TNR: variants seen among roughly 807,000 people sequenced by gnomAD.
TNR encodes the protein tenascin-R.
TNR carries 45 observed loss-of-function variants against 150.4 expected under a neutral mutation model. The ratio of observed to expected loss-of-function variants is 0.30; its 90% CI spans 0.24 to 0.38. The LOEUF (loss-of-function observed/expected upper bound fraction) is 0.38, where lower values mean the gene tolerates loss of function less well. Ranked by LOEUF, TNR falls within the 10% of genes least tolerant of loss-of-function variation. TNR has a pLI of 1.00. For synonymous variants in TNR, 687 were observed against 678.4 expected (o/e 1.01, Z -0.20); for missense variants, 1,544 against 1,759.1 (o/e 0.88, Z 2.19).
chr1:175,478,256 T>C (rs1340018111), intron 2 of TNR, among the ~76,000 whole-genome samples: 1 of 152,174 alleles, frequency 6.6e-6, no homozygotes, highest in Non-Finnish European at 1.5e-5. Context: ...GCACCAACTT[T>C]CAATATGTGT....
intron 2 of TNR, among the ~76,000 whole-genome samples, chr1:175,441,615 T>C (rs1655791166): frequency 6.6e-6 from 1 of 152,126 alleles, no homozygotes; most frequent in Non-Finnish European, 1.5e-5. Context: ...GTCAGGTCCA[T>C]GGATGACCAG....
intron 18 of TNR, among the ~76,000 whole-genome samples, chr1:175,339,006 C>T (rs1650388139): frequency 6.6e-6 from 1 of 152,198 alleles, no homozygotes; most frequent in Admixed American, 6.5e-5. Context: ...ATGGTTATAC[C>T]AGGGAATGAC....
In TNR at chr1:175,604,255, C is replaced by A. The variant is rs146222091; in HGVS notation, c.-164-75886G>T. Among the ~76,000 whole-genome samples the A allele has an allele frequency of 5.8e-3, 885 of 152,256 alleles. 4 individuals are homozygous for A. The highest frequency in any genetic ancestry group is 8.3e-3 in the Non-Finnish European group (565 of 68,010). ...CCTTCAGCCCAGCGGAGATGGATGG[C>A]CCCTCAGCAGGCCAGTGTTCAGGTG... On this transcript the variant is annotated intron_variant, in intron 1 of 22. Transcript: ENST00000367674.
At chr1:175,336,706 CTG>C (rs1324323334) in intron 19 of TNR, among the ~76,000 whole-genome samples, 1 of 152,196 alleles carries the variant, frequency 6.6e-6, no homozygotes, top group African/African-American at 2.4e-5. Flanking sequence ...TCCCTGAAGG[CTG>C]TGTCAGCTCT....
chr1:175,428,994 G>C (rs1213381524), intron 2 of TNR, among the ~76,000 whole-genome samples: 1 of 152,070 alleles, frequency 6.6e-6, no homozygotes, highest in East Asian at 1.9e-4. Context: ...TTATACATTT[G>C]GTCCAAATAA....
intron 1 of TNR, among the ~76,000 whole-genome samples, chr1:175,542,182 A>T (rs1306637582): frequency 6.6e-6 from 1 of 152,172 alleles, no homozygotes; most frequent in Non-Finnish European, 1.5e-5. Flanking sequence ...GAAAGACCAA[A>T]AGAAATAAAA....
chr1:175,531,859 A>G (rs1571569111), intron 1 of TNR, among the ~76,000 whole-genome samples: 1 of 152,208 alleles, frequency 6.6e-6, no homozygotes, highest in South Asian at 2.1e-4. Context: ...ATTGGCTTGG[A>G]CTTTGTAGCA....
At chr1:175,703,662 A>G (rs1446706029) in intron 1 of TNR, among the ~76,000 whole-genome samples, 1 of 152,232 alleles carries the variant, frequency 6.6e-6, no homozygotes, top group African/African-American at 2.4e-5. Flanking sequence ...CAAATGAGCA[A>G]AAGATATGAA....
chr1:175,426,029 T>C (rs75699770), intron 2 of TNR, among the ~76,000 whole-genome samples: 12,435 of 152,252 alleles, frequency 0.082, 681 homozygotes, highest in South Asian at 0.13. Flanking sequence ...TGTTGGGTCC[T>C]AAATCAACCT....
intron 2 of TNR, among the ~76,000 whole-genome samples, chr1:175,435,653 T>C (rs1008513554): frequency 3.3e-5 from 5 of 152,220 alleles, no homozygotes; most frequent in African/African-American, 1.2e-4. Flanking sequence ...GACTGATCCC[T>C]GTGACACATC....
intron 2 of TNR, among the ~76,000 whole-genome samples, chr1:175,430,754 G>A (rs1430529399): frequency 6.6e-6 from 1 of 152,122 alleles, no homozygotes; most frequent in Non-Finnish European, 1.5e-5. Flanking sequence ...AATATTTCAA[G>A]TTTCTTCTCT....
chr1:175,480,441 AAG>A (rs796791464), intron 2 of TNR, among the ~76,000 whole-genome samples: 184 of 137,088 alleles, frequency 1.3e-3, no homozygotes, highest in African/African-American at 4.9e-3. Flanking sequence ...GAAAGAAAGA[AAG>A]AGAAAGAAAG....
intron 18 of TNR, among the ~76,000 whole-genome samples, chr1:175,346,606 T>G (rs1571320734): frequency 6.6e-6 from 1 of 151,956 alleles, no homozygotes; most frequent in Non-Finnish European, 1.5e-5. Flanking sequence ...ACAGATGCAG[T>G]AGAGATAATA....
intron 2 of TNR, among the ~76,000 whole-genome samples, chr1:175,422,411 C>A (rs1490293469): frequency 6.6e-6 from 1 of 152,194 alleles, no homozygotes. Flanking sequence ...GTGGTTCCAG[C>A]CATCCTTACC....
At chr1:175,717,528 TTAAGTGCTTAA>T (rs1471880322) in intron 1 of TNR, among the ~76,000 whole-genome samples, 1 of 152,204 alleles carries the variant, frequency 6.6e-6, no homozygotes, top group African/African-American at 2.4e-5. Context: ...CTTGGACAAA[TTAAGTGCTTAA>T]TAAGTGGGTG....
intron 1 of TNR, among the ~76,000 whole-genome samples, chr1:175,720,138 G>A (rs1667260323): frequency 6.6e-6 from 1 of 152,250 alleles, no homozygotes; most frequent in South Asian, 2.1e-4. Flanking sequence ...ACAATTTGGA[G>A]ATAGGGTCCT....
intron 1 of TNR, among the ~76,000 whole-genome samples, chr1:175,624,668 C>T (rs1361632111): frequency 6.6e-6 from 1 of 152,158 alleles, no homozygotes; most frequent in African/African-American, 2.4e-5. Flanking sequence ...CTTCTAGCCT[C>T]CAGAACTGTC....
rs1052544539 is a variant in TNR, at chr1:175,436,633, C to G, written c.-63-29856G>C. On this transcript the variant is annotated intron_variant, in intron 2 of 22. Transcript: ENST00000367674. The stretch of plus-strand genomic sequence containing the variant: ...CCATCAGTGTGCTGTATTCAGGAAA[C>G]CCACCTCACGTTCAGAGACACACAT... 5.3e-5 allele frequency among the ~76,000 whole-genome samples: 8 copies of G among 152,206 alleles called. No individual in the cohort carries two copies. The East Asian group carries it at 1.4e-3, about 26-fold the overall frequency.
At chr1:175,731,399 C>T (rs1667637717) in intron 1 of TNR, among the ~76,000 whole-genome samples, 1 of 152,116 alleles carries the variant, frequency 6.6e-6, no homozygotes, top group Non-Finnish European at 1.5e-5. Context: ...TTACCTTCAC[C>T]AATGGTTGTG....
Sources: gnomAD v4.1 joint callset for allele counts (sites outside exome capture counted in the v4.1 genomes callset) on GRCh38, gnomAD v4.1.1 for gene constraint, MANE v1.5 for transcripts, NCBI Gene and HGNC (gene_info 2026-07-23, HGNC 2026-07-21) for gene names.